UGT1A10: variants seen among roughly 807,000 people sequenced by gnomAD.
UGT1A10 encodes the protein UDP-glucuronosyltransferase 1A10.
Under a neutral mutation model 45.8 loss-of-function variants are expected in UGT1A10, and 49 were observed. The observed-to-expected ratio is 1.07, with a 90% CI of 0.85 to 1.36. The LOEUF is 1.36. Among genes scored for constraint, UGT1A10 ranks in the 40% most tolerant of loss-of-function variants. The pLI is 0.00. For missense variants in UGT1A10, 745 were observed against 668.6 expected, an observed-to-expected ratio of 1.11 and a Z score of -1.26; for synonymous variants, 284 against 249.7, an observed-to-expected ratio of 1.14 and a Z score of -1.29.
intron 1 of UGT1A10, among the ~76,000 whole-genome samples, chr2:233,701,055 T>G (rs904077484): frequency 6.6e-6 from 1 of 152,218 alleles, no homozygotes; most frequent in Non-Finnish European, 1.5e-5. Context: ...GAACTCATAA[T>G]TTTTTATGGC....
At chr2:233,760,083 G>C (rs1163366183) in intron 1 of UGT1A10, among the ~76,000 whole-genome samples, 1 of 152,198 alleles carries the variant, frequency 6.6e-6, no homozygotes, top group Non-Finnish European at 1.5e-5. Context: ...ATTCCAGCCA[G>C]TTCAACTGTT....
intron 1 of UGT1A10, among the ~76,000 whole-genome samples, chr2:233,700,294 G>A (rs1048502778): frequency 2.0e-5 from 3 of 152,140 alleles, no homozygotes; most frequent in Admixed American, 2.0e-4. Flanking sequence ...ACGTGACTTA[G>A]GCCAATGTCT....
intron 1 of UGT1A10, chr2:233,754,743 C>A (rs1442095371): frequency 4.1e-6 from 3 of 727,770 alleles, no homozygotes; most frequent in Middle Eastern, 2.7e-4. Flanking sequence ...GTAGGACATG[C>A]AGAAGGAAGA....
At chr2:233,638,744 A>G (rs187601285) in intron 1 of UGT1A10, among the ~76,000 whole-genome samples, 5 of 152,326 alleles carry the variant, frequency 3.3e-5, no homozygotes, top group Admixed American at 1.3e-4. Context: ...TAACACAGTT[A>G]TATCTGTCAT....
chr2:233,742,671 T>C (rs1692065704), intron 1 of UGT1A10: 1 of 152,224 alleles, frequency 6.6e-6, no homozygotes, highest in South Asian at 2.1e-4. Context: ...CCCCAAGGTT[T>C]GTCCTCAGCC....
intron 1 of UGT1A10, chr2:233,747,945 G>T (rs1354187104): frequency 6.2e-7 from 1 of 1,613,364 alleles, no homozygotes; most frequent in East Asian, 2.2e-5. Flanking sequence ...GGAGGTGTCA[G>T]TGGTGGATCT....
chr2:233,717,646 G>A (rs1286894473), intron 1 of UGT1A10: 4 of 401,574 alleles, frequency 1.0e-5, no homozygotes, highest in African/African-American at 8.2e-5. Context: ...GGGGCGACCA[G>A]GACAAGGAAG....
chr2:233,660,089 T>A (rs2073934768), intron 1 of UGT1A10, among the ~76,000 whole-genome samples: 1 of 152,230 alleles, frequency 6.6e-6, no homozygotes, highest in Non-Finnish European at 1.5e-5. Flanking sequence ...TGGCTCTGTT[T>A]TAAGTCCTGT....
intron 1 of UGT1A10, among the ~76,000 whole-genome samples, chr2:233,734,944 A>G (rs2125789898): frequency 6.6e-6 from 1 of 152,282 alleles, no homozygotes; most frequent in Middle Eastern, 3.4e-3. Context: ...TCATATGGTC[A>G]GTTTTAGAAT....
rs2077420155 is a variant in UGT1A10 at position 233,725,272 on chromosome 2, AGG to A, written c.856-41761_856-41760del. ...GAGGAGGCAGAGGCAGAGGAGGCAG[AGG>A]CAGAGGCAGAGGCAGAGGCAGAGGC... is the stretch of plus-strand genomic sequence containing the variant. On this transcript the variant is annotated intron_variant, in intron 1 of 4. Coordinates refer to ENST00000344644, the MANE Select transcript of UGT1A10 (RefSeq NM_019075.4). Among the ~76,000 whole-genome samples, 2 of 38,426 alleles carry A rather than the reference AGG, an allele frequency of 5.2e-5. 1 individual carries two copies. Among genetic ancestry groups the A allele is most frequent in the Admixed American group, 5.0e-4 (2 of 3,998 alleles). The allele number at this position is 38,426 out of a possible 152,430, so 25.2% of individuals were successfully genotyped here. A position where few individuals can be genotyped will look rare whatever the true frequency, so the allele number is the denominator to read the frequency against.
chr2:233,711,112 C>A (rs568461565), intron 1 of UGT1A10, among the ~76,000 whole-genome samples: 2 of 152,346 alleles, frequency 1.3e-5, no homozygotes, highest in South Asian at 4.1e-4. Flanking sequence ...GACCCCTCCT[C>A]ATCTCCAGAC....
intron 1 of UGT1A10, among the ~76,000 whole-genome samples, chr2:233,639,278 C>T (rs2073384991): frequency 6.6e-6 from 1 of 151,970 alleles, no homozygotes. Context: ...TTATAGTTTG[C>T]AGAGGGTTAT....
chr2:233,747,592 C>G (rs1434418426), intron 1 of UGT1A10: 13 of 1,575,650 alleles, frequency 8.3e-6, no homozygotes, highest in Admixed American at 6.7e-5. Flanking sequence ...TTTCATAGGT[C>G]TTGTGTGGAG....
rs879347506 is a variant in UGT1A10, at chr2:233,651,196, C to G, written c.855+13819C>G. Among the ~76,000 whole-genome samples, 3 of 152,178 alleles carry G rather than the reference C, an allele frequency of 2.0e-5. No homozygotes were observed. The East Asian group carries it at 5.8e-4, about 29-fold the overall frequency. Reference sequence around the variant, plus strand: ...CTTTACCCTCCTTCAGTTACAGCACCAAGCACCACCCAGGTATTACCTGCA... The same window carrying G: ...CTTTACCCTCCTTCAGTTACAGCACGAAGCACCACCCAGGTATTACCTGCA... On this transcript the variant is annotated intron_variant, in intron 1 of 4. Coordinates refer to ENST00000344644, the MANE Select transcript of UGT1A10 (RefSeq NM_019075.4).
At chr2:233,719,115 G>A in intron 1 of UGT1A10, 1 of 1,614,244 alleles carries the variant, frequency 6.2e-7, no homozygotes, top group Non-Finnish European at 8.5e-7. Flanking sequence ...CTACACTCAA[G>A]GGTTCTTTGA....
At chr2:233,748,086 G>A (rs1376410311) in intron 1 of UGT1A10, 37 of 1,612,904 alleles carry the variant, frequency 2.3e-5, no homozygotes, top group Non-Finnish European at 2.9e-5. Context: ...TCAGGTCGGT[G>A]TTCGTGCCTT....
rs562159767 is a variant in UGT1A10, at chr2:233,728,334, A to G, written c.856-38700A>G. On this transcript the variant is annotated intron_variant, in intron 1 of 4. Transcript: ENST00000344644. ...TCTGAGGCCAGGCTCCAGCTCCCCC[A>G]GTCCCTTGGTGAGCAGGAGCTCCCT... Among the ~76,000 whole-genome samples, 5 of 152,308 alleles carry G rather than the reference A, an allele frequency of 3.3e-5. No homozygotes were observed. The South Asian group carries it at 6.2e-4, about 19-fold the overall frequency.
chr2:233,666,038 C>T (rs548605564), intron 1 of UGT1A10, among the ~76,000 whole-genome samples: 10 of 152,078 alleles, frequency 6.6e-5, no homozygotes, highest in African/African-American at 1.4e-4. Context: ...TTCATTCAGG[C>T]GATACAAGAA....
At chr2:233,698,157 G>A (rs1238708263) in intron 1 of UGT1A10, among the ~76,000 whole-genome samples, 4 of 152,108 alleles carry the variant, frequency 2.6e-5, no homozygotes, top group African/African-American at 7.2e-5. Context: ...CCAGCATGTC[G>A]TCCTAGAGAA....
Sources: allele counts gnomAD v4.1 joint callset (sites outside exome capture counted in the v4.1 genomes callset), GRCh38; gene constraint gnomAD v4.1.1; transcripts MANE v1.5; gene names NCBI Gene and HGNC (gene_info 2026-07-23, HGNC 2026-07-21).